The following SEMA6A variants were observed in gnomAD, a reference collection of about 807,000 sequenced individuals.
SEMA6A encodes semaphorin-6A.
In SEMA6A, 25 loss-of-function variants were observed where a neutral mutation model predicts 96.8. That is an observed-to-expected ratio of 0.26 (90% CI 0.19 to 0.36). The LOEUF is 0.36. SEMA6A is among the 10% of genes least tolerant of loss of function. SEMA6A has a pLI of 1.00. For synonymous variants in SEMA6A, 612 were observed against 518.0 expected, an observed-to-expected ratio of 1.18 and a Z score of -2.46; for missense variants, 1,363 against 1,323.1, an observed-to-expected ratio of 1.03 and a Z score of -0.47.
intron 10 of SEMA6A, among the ~76,000 whole-genome samples, chr5:116,485,491 A>G (rs938557810): frequency 3.3e-5 from 5 of 152,352 alleles, no homozygotes; most frequent in African/African-American, 9.6e-5. Context: ...GCTTACTTAT[A>G]TCTAACTGAA....
chr5:116,468,956 T>C (rs76520661), intron 17 of SEMA6A: 1 of 150,176 alleles, frequency 6.7e-6, no homozygotes. Context: ...GTGCATTCTT[T>C]TTTTTTTTTT....
chr5:116,546,635 T>A (rs1760199771), intron 1 of SEMA6A, among the ~76,000 whole-genome samples: 1 of 152,226 alleles, frequency 6.6e-6, no homozygotes, highest in Admixed American at 6.5e-5. Flanking sequence ...TAAGATTACT[T>A]GCCAAGCTGA....
At chr5:116,519,013 G>A (rs538587315) in intron 1 of SEMA6A, among the ~76,000 whole-genome samples, 1 of 151,540 alleles carries the variant, frequency 6.6e-6, no homozygotes, top group East Asian at 1.9e-4. Flanking sequence ...AAAAAAAAAA[G>A]TCATTCTAAA....
chr5:116,545,581 T>C (rs1032078190), intron 1 of SEMA6A, among the ~76,000 whole-genome samples: 1 of 151,926 alleles, frequency 6.6e-6, no homozygotes, highest in African/African-American at 2.4e-5. Context: ...AAAAAAAAAA[T>C]TGCTTCCCTC....
intron 1 of SEMA6A, among the ~76,000 whole-genome samples, chr5:116,507,307 G>C (rs1265856662): frequency 6.6e-6 from 1 of 152,178 alleles, no homozygotes; most frequent in African/African-American, 2.4e-5. Flanking sequence ...AAGTTTTGAT[G>C]TATTATTCCC....
Position 116,496,276 on chromosome 5 carries a change from G to A in SEMA6A, c.317C>T (p.Thr106Ile). The part of the protein sequence containing the change: ...TWKSRQADVD[T>I]CRMKGKHKDE... ...CTTATGTTTTCCCTTCATTCTGCAT[G>A]TGTCTACATCGGCCTGTCTAGATTT... is the stretch of plus-strand genomic sequence containing the variant. The change falls in exon 5 of 19, where the codon ACA becomes ATA. Residue 106 changes from threonine (T) to isoleucine (I), a missense_variant. Physicochemically the swap from Thr to Ile is moderately conservative, Grantham distance 89. Around this residue, in one of 2 missense-constraint regions of SEMA6A, gnomAD observed 480 missense variants for 559.5 expected, o/e 0.86. Coordinates refer to ENST00000343348, the MANE Select transcript of SEMA6A (RefSeq NM_020796.5). 6.2e-7 allele frequency: 1 copy of A among 1,613,648 alleles called. No homozygotes were observed. Among genetic ancestry groups the A allele is most frequent in the East Asian group, 2.2e-5 (1 of 44,872 alleles).
rs1352327356 is a variant in SEMA6A, at chr5:116,443,805, C to G, written c.*2808G>C. The G allele has an allele frequency of 2.0e-5, 3 of 152,742 alleles. No individual in the cohort carries two copies. The highest frequency in any genetic ancestry group is 3.9e-4 in the East Asian group (2 of 5,178). The allele number at this position is 152,742 out of a possible 1,614,324, so 9.5% of individuals were successfully genotyped here. ...AGCAAGGGTGGAAAGCAAAGGCACA[C>G]TCGGGTTTATGGACCCTCCCCCCAC... On this transcript the variant is annotated 3_prime_UTR_variant, in exon 19 of 19. Transcript: ENST00000343348.
intron 1 of SEMA6A, among the ~76,000 whole-genome samples, chr5:116,547,591 T>A (rs990036666): frequency 1.3e-5 from 2 of 151,966 alleles, no homozygotes; most frequent in Non-Finnish European, 2.9e-5. Context: ...CTTTGTTTTA[T>A]CTATTAAGGA....
At chr5:116,455,625 A>T (rs1169445261) in intron 18 of SEMA6A, among the ~76,000 whole-genome samples, 2 of 152,186 alleles carry the variant, frequency 1.3e-5, no homozygotes, top group Non-Finnish European at 2.9e-5. Flanking sequence ...CTTTGCTTGG[A>T]TTATTTGATT....
At chr5:116,532,915 A>C (rs17140038) in intron 1 of SEMA6A, among the ~76,000 whole-genome samples, 19,032 of 152,222 alleles carry the variant, frequency 0.13, 1,799 homozygotes, top group African/African-American at 0.26. Context: ...TAACAGGGAC[A>C]CAGACAGAGA....
At chr5:116,562,924 G>T (rs945569453) in intron 1 of SEMA6A, 4 of 587,934 alleles carry the variant, frequency 6.8e-6, no homozygotes, top group Non-Finnish European at 1.3e-5. Flanking sequence ...TGCCCCCTCG[G>T]GTATGAAGAT....
At chr5:116,456,824 T>C (rs2112608918) in intron 18 of SEMA6A, among the ~76,000 whole-genome samples, 1 of 152,248 alleles carries the variant, frequency 6.6e-6, no homozygotes, top group East Asian at 1.9e-4. Context: ...TCTAATATCA[T>C]CTCAAAACCC....
At chr5:116,557,171 A>G (rs1315198973) in intron 1 of SEMA6A, among the ~76,000 whole-genome samples, 1 of 152,254 alleles carries the variant, frequency 6.6e-6, no homozygotes, top group East Asian at 1.9e-4. Flanking sequence ...GACTAATTAT[A>G]TCATAAATTT....
intron 5 of SEMA6A, 76 bp downstream of exon 5, chr5:116,496,175 C>A: frequency 8.2e-7 from 1 of 1,221,086 alleles, no homozygotes; most frequent in East Asian, 2.3e-5. Flanking sequence ...CATTCTACAT[C>A]ACGGTCTATG....
At chr5:116,555,668 C>CA (rs1178897248) in intron 1 of SEMA6A, among the ~76,000 whole-genome samples, 1 of 151,098 alleles carries the variant, frequency 6.6e-6, no homozygotes. Context: ...GCAAGACCCC[C>CA]CCTCAAAAAA....
chr5:116,534,836 C>G (rs1054741637), intron 1 of SEMA6A, among the ~76,000 whole-genome samples: 12 of 152,230 alleles, frequency 7.9e-5, no homozygotes, highest in African/African-American at 2.6e-4. Flanking sequence ...AATGAATGAA[C>G]AGATGAAGAC....
At chr5:116,454,489 C>T (rs1035900599) in intron 18 of SEMA6A, among the ~76,000 whole-genome samples, 4 of 152,172 alleles carry the variant, frequency 2.6e-5, no homozygotes, top group Non-Finnish European at 4.4e-5. Flanking sequence ...GAACTAATCA[C>T]TAGCCAAGCA....
At chr5:116,476,597 T>C (rs1344926895) in intron 15 of SEMA6A, among the ~76,000 whole-genome samples, 3 of 152,252 alleles carry the variant, frequency 2.0e-5, no homozygotes, top group African/African-American at 7.2e-5. Flanking sequence ...GCCAGCATCA[T>C]TGAAATATGA....
chr5:116,528,759 C>G (rs1415564581), intron 1 of SEMA6A, among the ~76,000 whole-genome samples: 1 of 152,172 alleles, frequency 6.6e-6, no homozygotes, highest in Non-Finnish European at 1.5e-5. Context: ...GGATCTAAAC[C>G]TTTGTGCTAG....
Sources: allele counts gnomAD v4.1 joint callset (sites outside exome capture counted in the v4.1 genomes callset), GRCh38; gene constraint gnomAD v4.1.1; regional missense constraint gnomAD v4.1.1; transcripts MANE v1.5; gene names NCBI Gene and HGNC (gene_info 2026-07-23, HGNC 2026-07-21).